The following STAG1 variants were observed in gnomAD, a reference collection of about 807,000 sequenced individuals.
STAG1 encodes STAG1 cohesin complex component, also known as cohesin subunit SA-1.
A neutral mutation model predicts 170.9 loss-of-function variants in STAG1; 26 were observed. The observed-to-expected ratio is 0.15, with a 90% CI of 0.11 to 0.21. The LOEUF (loss-of-function observed/expected upper bound fraction) is 0.21, where lower values mean the gene tolerates loss of function less well. Among genes scored for constraint, STAG1 ranks in the 10% least tolerant of loss-of-function variants. The probability of loss-of-function intolerance (pLI) is 1.00; values close to 1 mark genes in which losing one functional copy is unlikely to be tolerated. For synonymous variants in STAG1, 514 were observed against 497.7 expected, an observed-to-expected ratio of 1.03 and a Z score of -0.44; for missense variants, 964 against 1,509.5, an observed-to-expected ratio of 0.64 and a Z score of 5.99.
chr3:136,627,154 T>G (rs1559917759), intron 2 of STAG1, among the ~76,000 whole-genome samples: 1 of 152,228 alleles, frequency 6.6e-6, no homozygotes, highest in African/African-American at 2.4e-5. Flanking sequence ...GCAGTCAGCT[T>G]AAACAGTGAG....
chr3:136,747,855 C>A (rs999091368), intron 1 of STAG1, among the ~76,000 whole-genome samples: 1 of 150,698 alleles, frequency 6.6e-6, no homozygotes, highest in Admixed American at 6.6e-5. Context: ...CGGCTCACTG[C>A]AAGCTCCGCC....
At chr3:136,475,368 A>G (rs1392354604) in intron 10 of STAG1, among the ~76,000 whole-genome samples, 1 of 152,076 alleles carries the variant, frequency 6.6e-6, no homozygotes, top group Non-Finnish European at 1.5e-5. Flanking sequence ...GCTGGTCTCG[A>G]ACTCCTGACC....
intron 6 of STAG1, among the ~76,000 whole-genome samples, chr3:136,531,677 G>A (rs569441481): frequency 1.7e-4 from 25 of 148,932 alleles, no homozygotes; most frequent in South Asian, 1.3e-3. Flanking sequence ...ACCAAACACC[G>A]CATATTCTCA....
intron 21 of STAG1, among the ~76,000 whole-genome samples, chr3:136,415,558 C>T (rs575652719): frequency 4.6e-5 from 7 of 152,118 alleles, no homozygotes; most frequent in Non-Finnish European, 8.8e-5. Flanking sequence ...TGGTTGAGGG[C>T]CGGGTGCGGT....
At chr3:136,595,676 CAATAAATAAATA>C (rs59472050) in intron 4 of STAG1, among the ~76,000 whole-genome samples, 6,392 of 127,362 alleles carry the variant, frequency 0.05, 196 homozygotes, top group East Asian at 0.14. Context: ...GACTCCATCT[CAATAAATAAATA>C]AATAAATAAA....
intron 22 of STAG1, 131 bp from the exon 23 acceptor site, chr3:136,377,883 G>A: frequency 1.4e-6 from 1 of 701,260 alleles, no homozygotes; most frequent in Non-Finnish European, 2.5e-6. Flanking sequence ...ATTTAATGTT[G>A]GGAACCATTT....
intron 1 of STAG1, among the ~76,000 whole-genome samples, chr3:136,722,664 C>CCCCTCT (rs749883265): frequency 6.9e-6 from 1 of 145,836 alleles, no homozygotes; most frequent in Non-Finnish European, 1.5e-5. Context: ...TCTCCCTTCT[C>CCCCTCT]CCCTCTCCCT....
At chr3:136,729,785 G>A (rs2107938659) in intron 1 of STAG1, among the ~76,000 whole-genome samples, 1 of 149,960 alleles carries the variant, frequency 6.7e-6, no homozygotes, top group South Asian at 2.1e-4. Flanking sequence ...TGCTATGTTG[G>A]CCAGGCTAGT....
Position 136,344,800 on chromosome 3 carries a change from G to C in STAG1, c.3272-794C>G, listed in dbSNP as rs143157502. Among the ~76,000 whole-genome samples, 521 of 151,670 alleles carry C rather than the reference G, an allele frequency of 3.4e-3. 1 individual carries two copies. Among genetic ancestry groups the C allele is most frequent in the Middle Eastern group, 0.02 (6 of 294 alleles). On this transcript the variant is annotated intron_variant, in intron 29 of 33. Coordinates refer to ENST00000383202, the MANE Select transcript of STAG1 (RefSeq NM_005862.3). Reference sequence around the variant, plus strand: ...AGCTCATTTTTATATTTTTAGGAGAGACGGGGTATCATTATGTTGGCCAGT... The same window carrying C: ...AGCTCATTTTTATATTTTTAGGAGACACGGGGTATCATTATGTTGGCCAGT...
intron 1 of STAG1, among the ~76,000 whole-genome samples, chr3:136,670,477 T>TG (rs1941944003): frequency 6.6e-6 from 1 of 152,130 alleles, no homozygotes; most frequent in South Asian, 2.1e-4. Context: ...ATACCTTTTT[T>TG]GGGGGGTGGG....
At chr3:136,732,237 T>TAAAAAAAA (rs71134406) in intron 1 of STAG1, among the ~76,000 whole-genome samples, 2 of 85,756 alleles carry the variant, frequency 2.3e-5, no homozygotes, top group Non-Finnish European at 2.4e-5. Flanking sequence ...TATCCACAAC[T>TAAAAAAAA]AAAAAAAAAA....
intron 1 of STAG1, among the ~76,000 whole-genome samples, chr3:136,714,923 CAAAT>C (rs1293541238): frequency 1.2e-5 from 1 of 86,514 alleles, no homozygotes; most frequent in Non-Finnish European, 2.1e-5. Flanking sequence ...AAAAAAAAAA[CAAAT>C]ATATATATTA....
At chr3:136,690,928 T>C (rs1010839648) in intron 1 of STAG1, among the ~76,000 whole-genome samples, 2 of 151,234 alleles carry the variant, frequency 1.3e-5, no homozygotes, top group African/African-American at 4.9e-5. Flanking sequence ...ATCTAGTTGC[T>C]GACTGCAATA....
At position 136,543,918 on chromosome 3, in the gene STAG1, G is replaced by A. The variant is rs185821290; in HGVS notation, c.395-1723C>T. On this transcript the variant is annotated intron_variant, in intron 5 of 33. Transcript: ENST00000383202. ...TCATTTTTTTTTCTGATACATTATCGTGCCCATTTTGGAAGCAAGCTAAAA... is the reference window on the plus strand; with the variant it reads ...TCATTTTTTTTTCTGATACATTATCATGCCCATTTTGGAAGCAAGCTAAAA... Among the ~76,000 whole-genome samples, 41 of 151,776 alleles carry A rather than the reference G, an allele frequency of 2.7e-4. No individual in the cohort carries two copies. The East Asian group carries it at 3.7e-3, about 14-fold the overall frequency.
intron 11 of STAG1, among the ~76,000 whole-genome samples, chr3:136,472,856 C>A (rs919567957): frequency 6.6e-6 from 1 of 152,112 alleles, no homozygotes; most frequent in Non-Finnish European, 1.5e-5. Flanking sequence ...ATTCACTTAT[C>A]AATTTCATAT....
At chr3:136,388,961 A>G (rs1236565576) in intron 22 of STAG1, among the ~76,000 whole-genome samples, 3 of 152,116 alleles carry the variant, frequency 2.0e-5, no homozygotes, top group Non-Finnish European at 2.9e-5. Flanking sequence ...TTTTTTATAT[A>G]TAATAAGTTT....
rs1206818479 is a variant in STAG1, at chr3:136,752,297, C to T, written c.-186G>A. The T allele has an allele frequency of 6.5e-6, 1 of 152,712 alleles. No homozygotes were observed. The highest frequency in any genetic ancestry group is 2.4e-5 in the African/African-American group (1 of 41,456). The allele number at this position is 152,712 out of a possible 1,614,324, so 9.5% of individuals were successfully genotyped here. A position where few individuals can be genotyped will look rare whatever the true frequency, so the allele number is the denominator to read the frequency against. On this transcript the variant is annotated 5_prime_UTR_variant, in exon 1 of 34. Transcript: ENST00000383202. ...GGGGGGGTTGTTACGGGGTGGTCGC[C>T]GGGGGTTCGGGAGCGGGGGCCGCGC...
chr3:136,501,353 T>G (rs933116522), intron 8 of STAG1, among the ~76,000 whole-genome samples: 3 of 152,166 alleles, frequency 2.0e-5, no homozygotes, highest in African/African-American at 7.2e-5. Context: ...TACCTCAGAA[T>G]GTGAAATTAG....
At position 136,648,310 on chromosome 3, in the gene STAG1, A is replaced by G. The variant is rs574237066; in HGVS notation, c.-83-17329T>C. Among the ~76,000 whole-genome samples, 298 of 152,308 alleles carry G rather than the reference A, an allele frequency of 2.0e-3. 2 individuals are homozygous for G. Among genetic ancestry groups the G allele is most frequent in the African/African-American group, 6.7e-3 (280 of 41,576 alleles). Reference sequence around the variant, plus strand: ...TCCCAAACTCCTCAAACACTCCCCAATCCTTGCTCCTCAAGCACCAGTAAA... The same window carrying G: ...TCCCAAACTCCTCAAACACTCCCCAGTCCTTGCTCCTCAAGCACCAGTAAA... On this transcript the variant is annotated intron_variant, in intron 1 of 33. Coordinates refer to ENST00000383202, the MANE Select transcript of STAG1 (RefSeq NM_005862.3).
Sources: allele counts gnomAD v4.1 joint callset (sites outside exome capture counted in the v4.1 genomes callset), GRCh38; gene constraint gnomAD v4.1.1; transcripts MANE v1.5; gene names NCBI Gene and HGNC (gene_info 2026-07-23, HGNC 2026-07-21).